The following TPO variants were observed in gnomAD, a reference collection of about 807,000 sequenced individuals.
TPO encodes thyroid microsomal antigen.
In TPO, 78 loss-of-function variants were observed where a neutral mutation model predicts 96.9. The observed-to-expected ratio is 0.81, with a 90% CI of 0.67 to 0.97. The LOEUF (loss-of-function observed/expected upper bound fraction) is 0.97, where lower values mean the gene tolerates loss of function less well. Among genes scored for constraint, TPO ranks in the 50% least tolerant of loss-of-function variants. The pLI is 0.00. For missense variants in TPO, 1,252 were observed against 1,274.8 expected, an observed-to-expected ratio of 0.98 and a Z score of 0.27; for synonymous variants, 547 against 538.0, an observed-to-expected ratio of 1.02 and a Z score of -0.23.
At chr2:1,478,328 C>T in intron 8 of TPO, 3 of 985,440 alleles carry the variant, frequency 3.0e-6, no homozygotes, top group Non-Finnish European at 3.6e-6. Flanking sequence ...ATATGCGAGT[C>T]ACCGTGTGTG....
chr2:1,379,173 C>T (rs988686885), intron 1 of TPO, among the ~76,000 whole-genome samples: 5 of 151,966 alleles, frequency 3.3e-5, no homozygotes, highest in South Asian at 4.2e-4. Flanking sequence ...GGTGTGGTGG[C>T]GCACGCATGT....
chr2:1,509,821 G>A (rs77400549), intron 14 of TPO, among the ~76,000 whole-genome samples: 3 of 129,262 alleles, frequency 2.3e-5, no homozygotes, highest in African/African-American at 9.3e-5. Flanking sequence ...TCAGGAACAG[G>A]ACACCCTCTT....
intron 14 of TPO, among the ~76,000 whole-genome samples, chr2:1,507,438 G>C (rs1375952925): frequency 5.3e-5 from 8 of 152,270 alleles, no homozygotes; most frequent in South Asian, 2.1e-4. Context: ...TTGGTAGCTT[G>C]ATGGGGATGG....
intron 9 of TPO, among the ~76,000 whole-genome samples, chr2:1,486,179 A>G (rs1222437322): frequency 6.6e-6 from 1 of 152,188 alleles, no homozygotes; most frequent in East Asian, 1.9e-4. Flanking sequence ...ATCCTACACA[A>G]GGTTTTTAAT....
At chr2:1,530,880 A>G (rs1209548220) in intron 15 of TPO, among the ~76,000 whole-genome samples, 2 of 88,764 alleles carry the variant, frequency 2.3e-5, no homozygotes, top group African/African-American at 4.6e-5. Flanking sequence ...ACCTCCGCAA[A>G]TCCCCCCACT....
rs564378114 is a variant in TPO at position 1,377,580 on chromosome 2, G to A, written n.180+3178G>A. Among the ~76,000 whole-genome samples, 7 of 152,298 alleles carry A rather than the reference G, an allele frequency of 4.6e-5. No homozygotes were observed. In the South Asian group the frequency reaches 1.4e-3, roughly 32 times the overall value. On this transcript the variant is annotated intron_variant and non_coding_transcript_variant, in intron 1 of 5. Coordinates refer to the TPO transcript ENST00000497517. The stretch of plus-strand genomic sequence containing the variant: ...TTTGAAGGACAAGGGCAGGACCCAG[G>A]GACCAGGCTGTGAGTCTGCCCTGCC...
intron 1 of TPO, among the ~76,000 whole-genome samples, chr2:1,387,289 A>G (rs1037787959): frequency 3.9e-5 from 6 of 152,200 alleles, no homozygotes; most frequent in Non-Finnish European, 7.3e-5. Flanking sequence ...TCTCCTGGAT[A>G]ATATACTGCA....
chr2:1,525,545 C>T (rs1164026617), intron 15 of TPO, among the ~76,000 whole-genome samples: 1 of 100,662 alleles, frequency 9.9e-6, no homozygotes, highest in Non-Finnish European at 2.0e-5. Context: ...TGTGTAACCT[C>T]CCAAAATCCC....
At chr2:1,469,331 T>C (rs1573316292) in intron 7 of TPO, among the ~76,000 whole-genome samples, 1 of 152,302 alleles carries the variant, frequency 6.6e-6, no homozygotes, top group Non-Finnish European at 1.5e-5. Flanking sequence ...CTCATTTGGG[T>C]AGTCTCTGTC....
chr2:1,477,850 C>A (rs945990791), intron 8 of TPO: 12 of 985,322 alleles, frequency 1.2e-5, no homozygotes, highest in Admixed American at 6.1e-5. Context: ...CCGGAGCTGG[C>A]GGCCCTCCGG....
Position 1,477,106 on chromosome 2 carries a change from G to A in TPO, c.840G>A (p.Pro280=), listed in dbSNP as rs187974063. ...FPIQLPEEAR[P]AAGTACLPFY... ...TGCAGCTCCCGGAGGAGGCCCGGCCGGCCGCGGGCACCGCCTGTCTGCCCT... is the reference window on the plus strand; with the variant it reads ...TGCAGCTCCCGGAGGAGGCCCGGCCAGCCGCGGGCACCGCCTGTCTGCCCT... The change falls in exon 8 of 17, where the codon CCG becomes CCA. Residue 280 remains proline (P), a synonymous_variant. Coordinates refer to ENST00000329066, the MANE Select transcript of TPO (RefSeq NM_001206744.2). The A allele has an allele frequency of 1.5e-3, 2,443 of 1,605,934 alleles. 5 individuals are homozygous for A. Among genetic ancestry groups the A allele is most frequent in the Non-Finnish European group, 1.8e-3 (2,103 of 1,178,060 alleles).
chr2:1,386,535 C>A (rs1447897598), intron 1 of TPO, among the ~76,000 whole-genome samples: 2 of 152,066 alleles, frequency 1.3e-5, no homozygotes, highest in Admixed American at 1.3e-4. Context: ...GATTGCAACC[C>A]CTGCCTTTTT....
At chr2:1,538,478 A>G (rs1053356193) in intron 15 of TPO, among the ~76,000 whole-genome samples, 2 of 152,148 alleles carry the variant, frequency 1.3e-5, no homozygotes, top group African/African-American at 4.8e-5. Flanking sequence ...CAATGAATAT[A>G]GAAAATAATT....
chr2:1,438,139 A>T (rs1665773721), intron 5 of TPO, among the ~76,000 whole-genome samples: 1 of 151,140 alleles, frequency 6.6e-6, no homozygotes, highest in Non-Finnish European at 1.5e-5. Context: ...CTTCAGAAGG[A>T]CAGGGTGGGG....
intron 5 of TPO, among the ~76,000 whole-genome samples, chr2:1,451,050 G>A (rs1359645111): frequency 6.6e-6 from 1 of 152,172 alleles, no homozygotes; most frequent in Non-Finnish European, 1.5e-5. Flanking sequence ...AAGTAACCAT[G>A]TCCCCAAGCC....
chr2:1,523,734 A>G (rs1394476161), intron 15 of TPO, among the ~76,000 whole-genome samples: 3 of 35,468 alleles, frequency 8.5e-5, no homozygotes, highest in East Asian at 1.0e-3. Flanking sequence ...CAGGTCCCCC[A>G]CTGTGTGCAA....
chr2:1,414,178 T>A (rs1662637079), intron 1 of TPO, among the ~76,000 whole-genome samples: 1 of 152,126 alleles, frequency 6.6e-6, no homozygotes, highest in Admixed American at 6.5e-5. Context: ...AACTCTGTTT[T>A]TGAATAATGG....
intron 2 of TPO, among the ~76,000 whole-genome samples, chr2:1,416,793 A>G (rs965717602): frequency 6.6e-6 from 1 of 152,228 alleles, no homozygotes; most frequent in Admixed American, 6.5e-5. Context: ...ATGATGCCCA[A>G]TGACTGTGTG....
chr2:1,409,477 C>T (rs1263666722), upstream of TPO, among the ~76,000 whole-genome samples: 1 of 152,126 alleles, frequency 6.6e-6, no homozygotes, highest in African/African-American at 2.4e-5. Context: ...ATGAATTGAG[C>T]TGTAATAAGA....
Sources: gnomAD v4.1 joint callset for allele counts (sites outside exome capture counted in the v4.1 genomes callset) on GRCh38, gnomAD v4.1.1 for gene constraint, MANE v1.5 for transcripts, NCBI Gene and HGNC (gene_info 2026-07-23, HGNC 2026-07-21) for gene names.